ROBO2: variants seen among roughly 807,000 people sequenced by gnomAD.
ROBO2 encodes roundabout homolog 2.
ROBO2 carries 53 observed loss-of-function variants against 160.8 expected under a neutral mutation model. The observed-to-expected ratio is 0.33, with a 90% CI of 0.26 to 0.41. The LOEUF (loss-of-function observed/expected upper bound fraction) is 0.41, where lower values mean the gene tolerates loss of function less well. Among genes scored for constraint, ROBO2 ranks in the 10% least tolerant of loss-of-function variants. The pLI is 1.00. For missense variants in ROBO2, 1,577 were observed against 1,722.4 expected (o/e 0.92, Z 1.49); for synonymous variants, 664 against 611.7 (o/e 1.09, Z -1.26).
intron 2 of ROBO2, among the ~76,000 whole-genome samples, chr3:76,986,036 A>C (rs925229166): frequency 6.6e-6 from 1 of 152,186 alleles, no homozygotes; most frequent in Non-Finnish European, 1.5e-5. Flanking sequence ...AAATCTAATC[A>C]ATAACTCTGA....
At chr3:77,418,538 G>A (rs1422278504) in intron 2 of ROBO2, among the ~76,000 whole-genome samples, 2 of 151,308 alleles carry the variant, frequency 1.3e-5, no homozygotes, top group African/African-American at 4.9e-5. Context: ...TTTTTCCCTT[G>A]GAGATTCACT....
At chr3:76,715,542 T>C (rs2093366093) in intron 2 of ROBO2, among the ~76,000 whole-genome samples, 2 of 152,196 alleles carry the variant, frequency 1.3e-5, no homozygotes, top group Non-Finnish European at 2.9e-5. Context: ...CCTAATAGCA[T>C]TTGAACAAGA....
At chr3:75,924,816 G>T (rs1297275793) in intron 1 of ROBO2, among the ~76,000 whole-genome samples, 1 of 146,508 alleles carries the variant, frequency 6.8e-6, no homozygotes, top group East Asian at 2.2e-4. Context: ...AGCCTCCCGA[G>T]TAGCTGGGAC....
At chr3:76,702,833 C>T (rs184681467) in intron 2 of ROBO2, among the ~76,000 whole-genome samples, 14 of 152,130 alleles carry the variant, frequency 9.2e-5, no homozygotes, top group South Asian at 4.1e-4. Context: ...GAAGGTAAGA[C>T]GAAAGTTGAC....
At chr3:75,949,659 T>C (rs989642843) in intron 2 of ROBO2, among the ~76,000 whole-genome samples, 3 of 152,190 alleles carry the variant, frequency 2.0e-5, no homozygotes, top group Admixed American at 6.5e-5. Flanking sequence ...CTCACTAAAG[T>C]AGATTTTGTC....
chr3:75,913,421 A>C (rs567677278), intron 1 of ROBO2, among the ~76,000 whole-genome samples: 61 of 152,302 alleles, frequency 4.0e-4, no homozygotes, highest in African/African-American at 1.4e-3. Flanking sequence ...AAGTGGTAAT[A>C]ATATTTTTGT....
intron 2 of ROBO2, among the ~76,000 whole-genome samples, chr3:76,813,741 T>C (rs2065406503): frequency 6.6e-6 from 1 of 152,130 alleles, no homozygotes; most frequent in African/African-American, 2.4e-5. Context: ...ATATGCATTT[T>C]TTTCAGTCTC....
intron 21 of ROBO2, among the ~76,000 whole-genome samples, chr3:77,610,662 T>C (rs1397004849): frequency 6.8e-6 from 1 of 146,040 alleles, no homozygotes; most frequent in Admixed American, 7.1e-5. Flanking sequence ...GAATAGATTG[T>C]TAGTCAACAA....
chr3:77,331,673 C>T (rs1214257835), intron 2 of ROBO2, among the ~76,000 whole-genome samples: 2 of 150,280 alleles, frequency 1.3e-5, no homozygotes, highest in Admixed American at 6.7e-5. Context: ...TTTTTACAAG[C>T]TTGAAAGGCC....
At chr3:77,491,075 C>A (rs1202088075) in intron 4 of ROBO2, among the ~76,000 whole-genome samples, 1 of 152,168 alleles carries the variant, frequency 6.6e-6, no homozygotes, top group Non-Finnish European at 1.5e-5. Flanking sequence ...GTGAACAGGG[C>A]CTTCATGGTC....
chr3:76,172,926 A>G (rs573183127), intron 2 of ROBO2, among the ~76,000 whole-genome samples: 142 of 152,228 alleles, frequency 9.3e-4, no homozygotes, highest in African/African-American at 2.2e-3. Context: ...AAACATGTAA[A>G]CATATATATA....
Position 77,543,920 on chromosome 3 carries a change from G to T in ROBO2, c.935-2418G>T, listed in dbSNP as rs1311944290. On this transcript the variant is annotated intron_variant, in intron 6 of 25. Coordinates refer to ENST00000461745, the Ensembl canonical transcript of ROBO2. ...AAGTGACTGATTTTGACCAAACTGA[G>T]TTTTGAGTTTTTAATAATTTTCGAT... Among the ~76,000 whole-genome samples, 4 of 152,130 alleles carry T rather than the reference G, an allele frequency of 2.6e-5. No homozygotes were observed. In the East Asian group the frequency reaches 7.8e-4, roughly 30 times the overall value.
At chr3:76,933,356 T>G (rs1013164208) in intron 2 of ROBO2, among the ~76,000 whole-genome samples, 7 of 152,176 alleles carry the variant, frequency 4.6e-5, no homozygotes, top group African/African-American at 1.7e-4. Context: ...TTCAGCAAAT[T>G]TTTAGAACTT....
chr3:77,506,325 C>G (rs2088517131), intron 5 of ROBO2, among the ~76,000 whole-genome samples: 1 of 152,100 alleles, frequency 6.6e-6, no homozygotes, highest in African/African-American at 2.4e-5. Flanking sequence ...CTCCATTGTG[C>G]ACACTTGGAA....
At chr3:76,135,745 C>T (rs2071404625) in intron 2 of ROBO2, among the ~76,000 whole-genome samples, 1 of 152,214 alleles carries the variant, frequency 6.6e-6, no homozygotes, top group Non-Finnish European at 1.5e-5. Context: ...CTTCAAATTT[C>T]CTTTTTCAGA....
intron 2 of ROBO2, among the ~76,000 whole-genome samples, chr3:76,215,131 GA>G (rs1703419254): frequency 6.6e-6 from 1 of 152,138 alleles, no homozygotes; most frequent in Non-Finnish European, 1.5e-5. Flanking sequence ...CTAACAAACA[GA>G]AAGGACATCC....
At chr3:76,100,248 A>G (rs1171739165) in intron 2 of ROBO2, among the ~76,000 whole-genome samples, 1 of 152,186 alleles carries the variant, frequency 6.6e-6, no homozygotes, top group Non-Finnish European at 1.5e-5. Flanking sequence ...GAAGAAAAAT[A>G]TTGTGATTGA....
At chr3:76,303,265 G>T (rs1379208575) in intron 2 of ROBO2, among the ~76,000 whole-genome samples, 1 of 152,008 alleles carries the variant, frequency 6.6e-6, no homozygotes, top group East Asian at 1.9e-4. Context: ...GGTTAACTAT[G>T]TGTTAACAAA....
chr3:77,093,948 G>A (rs2070695322), intron 1 of ROBO2, among the ~76,000 whole-genome samples: 1 of 152,012 alleles, frequency 6.6e-6, no homozygotes, highest in South Asian at 2.1e-4. Context: ...CTTGTTCACA[G>A]TGCTCTTTTA....
Sources: gnomAD v4.1 joint callset for allele counts (sites outside exome capture counted in the v4.1 genomes callset) on GRCh38, gnomAD v4.1.1 for gene constraint, MANE v1.5 for transcripts, NCBI Gene and HGNC (gene_info 2026-07-23, HGNC 2026-07-21) for gene names.